Variants in PPARG observed in about 807,000 individuals in gnomAD.
PPARG encodes peroxisome proliferator activated receptor gamma, also known as peroxisome proliferator-activated receptor gamma.
PPARG carries 17 observed loss-of-function variants against 39.2 expected under a neutral mutation model. The ratio of observed to expected loss-of-function variants is 0.43; its 90% CI spans 0.30 to 0.65. PPARG has a LOEUF of 0.65. Ranked by LOEUF, PPARG falls within the 30% of genes least tolerant of loss-of-function variation. The pLI is 0.13. For missense variants in PPARG, 406 were observed against 585.9 expected (o/e 0.69, Z 3.17); for synonymous variants, 223 against 215.7 (o/e 1.03, Z -0.30).
intron 4 of PPARG, among the ~76,000 whole-genome samples, chr3:12,389,034 G>A (rs1035911616): frequency 2.0e-5 from 3 of 152,108 alleles, no homozygotes; most frequent in African/African-American, 7.2e-5. Flanking sequence ...GGAATTTGAA[G>A]GCTTTTAGTT....
Position 12,310,051 on chromosome 3 carries a change from T to C in PPARG, c.-82-2329T>C, listed in dbSNP as rs139580267. 4.9e-3 allele frequency among the ~76,000 whole-genome samples: 742 copies of C among 152,300 alleles called. 13 individuals carry two copies. The highest frequency in any genetic ancestry group is 0.045 in the Admixed American group (687 of 15,294). On this transcript the variant is annotated intron_variant, in intron 1 of 7. Transcript: ENST00000651735. ...TGTCTACTCCCCCCAGAATGGATCT[T>C]GTCTCTGCCCTACTGTGTTTCACAT...
chr3:12,380,620 G>A (rs1393395510), intron 3 of PPARG, among the ~76,000 whole-genome samples: 1 of 152,164 alleles, frequency 6.6e-6, no homozygotes, highest in Admixed American at 6.5e-5. Flanking sequence ...TGACAAGTAA[G>A]AACTTCCTGT....
intron 1 of PPARG, among the ~76,000 whole-genome samples, chr3:12,297,661 T>C (rs2046820512): frequency 6.6e-6 from 1 of 152,206 alleles, no homozygotes; most frequent in Non-Finnish European, 1.5e-5. Flanking sequence ...TGTTATGGCC[T>C]CTTAATGTTC....
At chr3:12,309,753 G>T (rs1275718258) in intron 1 of PPARG, among the ~76,000 whole-genome samples, 2 of 152,024 alleles carry the variant, frequency 1.3e-5, no homozygotes, top group Admixed American at 1.3e-4. Context: ...TTTCAGACAA[G>T]TTAGTCTGAG....
intron 7 of PPARG, among the ~76,000 whole-genome samples, chr3:12,422,303 A>G (rs1277947188): frequency 2.0e-5 from 3 of 152,230 alleles, no homozygotes; most frequent in Admixed American, 2.0e-4. Flanking sequence ...TAGGAAGACT[A>G]CATGGCTGCA....
chr3:12,380,046 AC>A, intron 3 of PPARG, 115 bp downstream of exon 3: 1 of 943,292 alleles, frequency 1.1e-6, no homozygotes, highest in Non-Finnish European at 1.7e-6. Context: ...GAAGGCATTC[AC>A]CATTCATTTA....
intron 2 of PPARG, among the ~76,000 whole-genome samples, chr3:12,316,752 C>G (rs1283140650): frequency 6.6e-6 from 1 of 151,498 alleles, no homozygotes; most frequent in African/African-American, 2.4e-5. Context: ...AAGATGGTTC[C>G]TGGACATCAT....
At chr3:12,346,998 A>C (rs992059518) in intron 2 of PPARG, among the ~76,000 whole-genome samples, 1 of 152,162 alleles carries the variant, frequency 6.6e-6, no homozygotes, top group East Asian at 1.9e-4. Flanking sequence ...CATAAAATAT[A>C]TTACTTTTGA....
chr3:12,387,434 C>A (rs1559519437), intron 4 of PPARG, among the ~76,000 whole-genome samples: 2 of 152,244 alleles, frequency 1.3e-5, no homozygotes, highest in South Asian at 4.1e-4. Context: ...GAGATGGTAT[C>A]TCATTATGGT....
intron 2 of PPARG, among the ~76,000 whole-genome samples, chr3:12,341,270 T>G (rs1027612307): frequency 1.3e-5 from 2 of 152,086 alleles, no homozygotes; most frequent in African/African-American, 2.4e-5. Context: ...TGGAGAAAGA[T>G]GAATTTGAAA....
intron 2 of PPARG, among the ~76,000 whole-genome samples, chr3:12,347,222 C>T (rs1483947945): frequency 6.6e-6 from 1 of 150,870 alleles, no homozygotes; most frequent in East Asian, 2.0e-4. Flanking sequence ...TGGTGGCGAG[C>T]AACTGAAATC....
intron 2 of PPARG, among the ~76,000 whole-genome samples, chr3:12,362,907 A>T (rs2048897577): frequency 6.6e-6 from 1 of 152,166 alleles, no homozygotes; most frequent in Admixed American, 6.5e-5. Context: ...TGAATGTTGA[A>T]TTATATCAAA....
chr3:12,315,723 C>T (rs150110184), intron 2 of PPARG, among the ~76,000 whole-genome samples: 1 of 152,140 alleles, frequency 6.6e-6, no homozygotes, highest in Non-Finnish European at 1.5e-5. Context: ...ATTTAGTGTA[C>T]TTAATACTTT....
At chr3:12,399,745 G>A (rs1575115938) in intron 5 of PPARG, among the ~76,000 whole-genome samples, 1 of 148,680 alleles carries the variant, frequency 6.7e-6, no homozygotes, top group African/African-American at 2.5e-5. Flanking sequence ...GCTCATACCT[G>A]CAATTCCAGC....
intron 6 of PPARG, chr3:12,406,934 T>G (rs916658758): frequency 6.6e-6 from 1 of 152,264 alleles, no homozygotes; most frequent in African/African-American, 2.4e-5. Context: ...ACTACTTCAG[T>G]GGACTCTCCA....
At chr3:12,351,282 A>G (rs1178287881) in intron 2 of PPARG, among the ~76,000 whole-genome samples, 2 of 152,228 alleles carry the variant, frequency 1.3e-5, no homozygotes, top group East Asian at 1.9e-4. Context: ...GACACTGAAC[A>G]TGTGGGTCAC....
At chr3:12,310,248 G>A (rs997433146) in intron 1 of PPARG, among the ~76,000 whole-genome samples, 2 of 152,018 alleles carry the variant, frequency 1.3e-5, no homozygotes, top group Non-Finnish European at 2.9e-5. Flanking sequence ...TACACACTAA[G>A]AATAGATACC....
At chr3:12,348,039 CTATT>C (rs918012320) in intron 2 of PPARG, among the ~76,000 whole-genome samples, 4 of 152,060 alleles carry the variant, frequency 2.6e-5, no homozygotes, top group Non-Finnish European at 5.9e-5. Flanking sequence ...AAAGAAAAAG[CTATT>C]TAAGCAATTT....
At chr3:12,425,245 C>T (rs1336663609) in intron 7 of PPARG, among the ~76,000 whole-genome samples, 1 of 152,148 alleles carries the variant, frequency 6.6e-6, no homozygotes, top group Non-Finnish European at 1.5e-5. Context: ...GGATTCCCAG[C>T]CTTCAGGAAT....
Sources: gnomAD v4.1 joint callset for allele counts (sites outside exome capture counted in the v4.1 genomes callset) on GRCh38, gnomAD v4.1.1 for gene constraint, MANE v1.5 for transcripts, NCBI Gene and HGNC (gene_info 2026-07-23, HGNC 2026-07-21) for gene names.